Variants in CSMD3 observed in about 807,000 individuals in gnomAD.
CSMD3 encodes the protein CUB and sushi domain-containing protein 3.
Under a neutral mutation model 435.2 loss-of-function variants are expected in CSMD3, and 177 were observed. That is an observed-to-expected ratio of 0.41 (90% CI 0.36 to 0.46). The LOEUF is 0.46. Among genes scored for constraint, CSMD3 ranks in the 20% least tolerant of loss-of-function variants. The probability of loss-of-function intolerance (pLI) is 0.34; values close to 1 mark genes in which losing one functional copy is unlikely to be tolerated. For missense variants in CSMD3, 4,265 were observed against 4,504.6 expected (o/e 0.95, Z 1.52); for synonymous variants, 1,656 against 1,520.5 (o/e 1.09, Z -2.07).
chr8:113,195,791 T>TA (rs2092645423), intron 3 of CSMD3, among the ~76,000 whole-genome samples: 21 of 126,022 alleles, frequency 1.7e-4, no homozygotes, highest in Admixed American at 3.3e-4. Context: ...ATCCTATATT[T>TA]TATATATATA....
At chr8:112,545,062 A>C (rs1233253880) in intron 27 of CSMD3, among the ~76,000 whole-genome samples, 1 of 152,156 alleles carries the variant, frequency 6.6e-6, no homozygotes, top group African/African-American at 2.4e-5. Context: ...TCAAGAACAC[A>C]TATTTCCCAT....
intron 3 of CSMD3, among the ~76,000 whole-genome samples, chr8:113,212,040 T>C (rs1350045245): frequency 6.6e-6 from 1 of 152,154 alleles, no homozygotes; most frequent in East Asian, 1.9e-4. Context: ...AAAATTGAAG[T>C]ATTACTTCAG....
At chr8:112,287,609 A>T (rs1819338660) in intron 57 of CSMD3, among the ~76,000 whole-genome samples, 1 of 152,182 alleles carries the variant, frequency 6.6e-6, no homozygotes, top group East Asian at 1.9e-4. Context: ...ATTTAAAAAA[A>T]ACTGAATTCT....
intron 27 of CSMD3, among the ~76,000 whole-genome samples, chr8:112,546,343 G>C (rs955400251): frequency 3.9e-5 from 6 of 152,174 alleles, no homozygotes; most frequent in African/African-American, 1.4e-4. Flanking sequence ...TTTTGCTGGA[G>C]GGATAAAGAA....
intron 10 of CSMD3, among the ~76,000 whole-genome samples, chr8:112,870,631 A>G (rs2081108784): frequency 6.6e-6 from 1 of 152,120 alleles, no homozygotes; most frequent in Non-Finnish European, 1.5e-5. Context: ...TCACCAAACA[A>G]AATGACTATT....
At chr8:113,174,355 C>G (rs567063709) in intron 3 of CSMD3, among the ~76,000 whole-genome samples, 1 of 152,076 alleles carries the variant, frequency 6.6e-6, no homozygotes, top group South Asian at 2.1e-4. Flanking sequence ...TTCATGGAAA[C>G]CTTTATTTCA....
At position 112,666,259 on chromosome 8, in the gene CSMD3, G is replaced by C. The variant is rs1204128822; in HGVS notation, c.2816+18C>G. On this transcript the variant is annotated intron_variant, in intron 17 of 70. Coordinates refer to ENST00000297405, the MANE Select transcript of CSMD3 (RefSeq NM_198123.2). Reference sequence around the variant, plus strand: ...TAGATAATATTTTCTTTAAAAGTAGGAAAAATATTTGTGAGACCTTTCAAA... The same window carrying C: ...TAGATAATATTTTCTTTAAAAGTAGCAAAAATATTTGTGAGACCTTTCAAA... 1.9e-6 allele frequency: 3 copies of C among 1,587,180 alleles called. No individual in the cohort carries two copies. Among genetic ancestry groups the C allele is most frequent in the African/African-American group, 1.3e-5 (1 of 74,280 alleles).
Position 112,981,739 on chromosome 8 carries a change from T to C in CSMD3, c.1031-5591A>G, listed in dbSNP as rs542646708. Among the ~76,000 whole-genome samples the C allele has an allele frequency of 4.0e-5, 6 of 151,832 alleles. No individual in the cohort carries two copies. In the South Asian group the frequency reaches 1.2e-3, roughly 31 times the overall value. ...TATTACACAATGTTTATATGCAAGA[T>C]AAGGATCTCAAATTATGAATTGCTA... On this transcript the variant is annotated intron_variant, in intron 6 of 70. Transcript: ENST00000297405.
At position 113,079,979 on chromosome 8, in the gene CSMD3, T is replaced by C. The variant is rs187836267; in HGVS notation, c.917+18777A>G. Among the ~76,000 whole-genome samples the C allele has an allele frequency of 2.3e-3, 351 of 152,296 alleles. 1 individual carries two copies. The highest frequency in any genetic ancestry group is 4.1e-3 in the Non-Finnish European group (278 of 67,984). On this transcript the variant is annotated intron_variant, in intron 5 of 70. Transcript: ENST00000297405. Reference sequence around the variant, plus strand: ...TTTTCTCTCCACATTTCTCCACTTCTAAGTTGAGATGCTCTTTTTCTGAAC... The same window carrying C: ...TTTTCTCTCCACATTTCTCCACTTCCAAGTTGAGATGCTCTTTTTCTGAAC...
At chr8:113,240,465 C>T (rs1169812944) in intron 3 of CSMD3, among the ~76,000 whole-genome samples, 1 of 152,174 alleles carries the variant, frequency 6.6e-6, no homozygotes, top group African/African-American at 2.4e-5. Context: ...CTAATTTACA[C>T]TCCTACCGAA....
chr8:112,960,476 C>T (rs756600874), intron 7 of CSMD3, among the ~76,000 whole-genome samples: 1 of 151,586 alleles, frequency 6.6e-6, no homozygotes, highest in South Asian at 2.1e-4. Context: ...TATCCTGCAA[C>T]AATTAGATAA....
At chr8:112,393,168 G>A (rs935060272) in intron 35 of CSMD3, among the ~76,000 whole-genome samples, 22 of 152,078 alleles carry the variant, frequency 1.4e-4, no homozygotes, top group African/African-American at 4.8e-4. Flanking sequence ...TTATAGGCAC[G>A]AGCCACTGTG....
At chr8:112,899,607 A>T (rs1186154522) in intron 10 of CSMD3, among the ~76,000 whole-genome samples, 5 of 73,310 alleles carry the variant, frequency 6.8e-5, no homozygotes, top group Admixed American at 3.2e-4. Context: ...TTTTATATAT[A>T]TATATATATA....
chr8:112,501,152 T>G (rs187327705), intron 30 of CSMD3, among the ~76,000 whole-genome samples: 6 of 152,100 alleles, frequency 3.9e-5, no homozygotes, highest in Admixed American at 3.3e-4. Flanking sequence ...CTCTTCATGT[T>G]TGTCCCTGTC....
At chr8:112,747,962 C>CAAAAAAAAAAAAAAAAAAAAAAAAAAAAA (rs71309788) in intron 13 of CSMD3, among the ~76,000 whole-genome samples, 3 of 96,778 alleles carry the variant, frequency 3.1e-5, no homozygotes, top group African/African-American at 7.7e-5. Flanking sequence ...GACTCCGTCT[C>CAAAAAAAAAAAAAAAAAAAAAAAAAAAAA]AAAAAAAAAA....
At chr8:113,173,657 C>T (rs1374778002) in intron 4 of CSMD3, 65 bp downstream of exon 4, 1 of 1,296,276 alleles carries the variant, frequency 7.7e-7, no homozygotes, top group Non-Finnish European at 1.1e-6. Flanking sequence ...GAAACAGGCA[C>T]CAAACACATT....
intron 12 of CSMD3, among the ~76,000 whole-genome samples, chr8:112,803,653 C>G (rs1392623655): frequency 6.6e-6 from 1 of 152,024 alleles, no homozygotes; most frequent in Non-Finnish European, 1.5e-5. Context: ...GGAAAATAAG[C>G]CAAAAAGTCA....
intron 13 of CSMD3, among the ~76,000 whole-genome samples, chr8:112,783,488 A>AAGGGAGGG (rs1253164117): frequency 1.2e-5 from 1 of 80,740 alleles, no homozygotes; most frequent in African/African-American, 5.2e-5. Context: ...GAAGGGAGAG[A>AAGGGAGGG]AGGGAGGGAG....
intron 10 of CSMD3, among the ~76,000 whole-genome samples, chr8:112,865,687 CA>C (rs1193880445): frequency 1.0e-3 from 16 of 15,874 alleles, no homozygotes; most frequent in South Asian, 8.8e-3. Flanking sequence ...TTACATACCC[CA>C]CACACACACA....
Sources: gnomAD v4.1 joint callset for allele counts (sites outside exome capture counted in the v4.1 genomes callset) on GRCh38, gnomAD v4.1.1 for gene constraint, MANE v1.5 for transcripts, NCBI Gene and HGNC (gene_info 2026-07-23, HGNC 2026-07-21) for gene names.